Variants in SUZ12 observed in about 807,000 individuals in gnomAD.
SUZ12 encodes polycomb protein SUZ12.
Under a neutral mutation model 87.3 loss-of-function variants are expected in SUZ12, and 17 were observed. That is an observed-to-expected ratio of 0.19 (90% CI 0.13 to 0.29). The LOEUF (loss-of-function observed/expected upper bound fraction) is 0.29, where lower values mean the gene tolerates loss of function less well. SUZ12 is among the 10% of genes least tolerant of loss of function. The pLI, the probability that SUZ12 is intolerant of heterozygous loss-of-function variation, is 1.00. For synonymous variants in SUZ12, 253 were observed against 312.4 expected (o/e 0.81, Z 2.01); for missense variants, 526 against 912.2 (o/e 0.58, Z 5.45).
intron 8 of SUZ12, among the ~76,000 whole-genome samples, chr17:31,979,942 A>G (rs1908998580): frequency 1.3e-5 from 2 of 152,090 alleles, no homozygotes; most frequent in African/African-American, 2.4e-5. Flanking sequence ...ATTTTTATAT[A>G]AAGAAGAGCA....
intron 1 of SUZ12, among the ~76,000 whole-genome samples, chr17:31,938,479 C>A (rs1047507713): frequency 3.3e-5 from 5 of 152,178 alleles, no homozygotes; most frequent in African/African-American, 1.2e-4. Flanking sequence ...AGACGTATTA[C>A]GTTGTTTAAT....
chr17:31,963,560 C>G (rs1378322996), intron 4 of SUZ12, among the ~76,000 whole-genome samples: 2 of 151,892 alleles, frequency 1.3e-5, no homozygotes, highest in African/African-American at 4.8e-5. Context: ...TGCAGTGGTG[C>G]GATCTTGGTC....
intron 8 of SUZ12, among the ~76,000 whole-genome samples, chr17:31,979,389 A>G (rs59582206): frequency 0.049 from 7,449 of 152,196 alleles, 582 homozygotes; most frequent in African/African-American, 0.17. Context: ...ATACAATACT[A>G]TCTCCCCAGT....
intron 3 of SUZ12, among the ~76,000 whole-genome samples, chr17:31,941,383 A>C (rs1019961730): frequency 4.0e-4 from 61 of 151,874 alleles, no homozygotes; most frequent in African/African-American, 1.5e-3. Flanking sequence ...CAGCTTCCCA[A>C]GTAGCTGGGG....
intron 10 of SUZ12, among the ~76,000 whole-genome samples, chr17:31,988,770 T>C (rs1413346316): frequency 6.6e-6 from 1 of 151,502 alleles, no homozygotes; most frequent in East Asian, 2.0e-4. Context: ...TTTTTTGTAG[T>C]TTTAGTAGAG....
At chr17:31,942,357 CAG>C (rs1392628969) in intron 3 of SUZ12, among the ~76,000 whole-genome samples, 1 of 148,850 alleles carries the variant, frequency 6.7e-6, no homozygotes, top group East Asian at 2.0e-4. Flanking sequence ...TTTTTTGAGA[CAG>C]AGTTTCACTC....
chr17:31,966,050 T>A, intron 4 of SUZ12, 97 bp from the exon 5 acceptor site: 3 of 1,088,058 alleles, frequency 2.8e-6, no homozygotes, highest in Non-Finnish European at 2.6e-6. Flanking sequence ...TATAAATTGG[T>A]TGAAGTAACT....
In SUZ12 at chr17:31,955,306, G is replaced by C. The variant is rs117777798; in HGVS notation, c.455+7621G>C. On this transcript the variant is annotated intron_variant, in intron 4 of 15. Transcript: ENST00000322652. ...TAAAAAAAGGTTTTTTTAGGAGACAGGGTCTCACTTCATCAGCCAGGCTGG... is the reference window on the plus strand; with the variant it reads ...TAAAAAAAGGTTTTTTTAGGAGACACGGTCTCACTTCATCAGCCAGGCTGG... Among the ~76,000 whole-genome samples the C allele has an allele frequency of 1.5e-4, 23 of 152,148 alleles. No individual in the cohort carries two copies. In the East Asian group the frequency reaches 3.9e-3, roughly 26 times the overall value.
chr17:31,944,945 A>G (rs924762883), intron 3 of SUZ12, among the ~76,000 whole-genome samples: 6 of 151,692 alleles, frequency 4.0e-5, no homozygotes, highest in Non-Finnish European at 5.9e-5. Flanking sequence ...GCTCATGACT[A>G]TAGTCCCAAA....
chr17:31,940,216 A>G (rs919587319), intron 1 of SUZ12, 70 bp from the exon 2 acceptor site: 8 of 1,562,884 alleles, frequency 5.1e-6, no homozygotes, highest in Middle Eastern at 2.0e-4. Flanking sequence ...TGATTATAAC[A>G]TGGTCTCGGT....
At chr17:31,940,128 T>C (rs1906185147) in intron 1 of SUZ12, among the ~76,000 whole-genome samples, 158 bp from the exon 2 acceptor site, 1 of 152,034 alleles carries the variant, frequency 6.6e-6, no homozygotes, top group African/African-American at 2.4e-5. Flanking sequence ...TTGATCTTAC[T>C]GTGCATACTT....
At chr17:31,966,331 A>G (rs1908085291) in intron 5 of SUZ12, 135 bp downstream of exon 5, 3 of 802,852 alleles carry the variant, frequency 3.7e-6, no homozygotes, top group East Asian at 2.8e-5. Flanking sequence ...ATGTTTTTGA[A>G]CTTTAAGGTA....
chr17:31,995,840 T>G (rs928245794), intron 14 of SUZ12, 78 bp downstream of exon 14: 1 of 1,074,856 alleles, frequency 9.3e-7, no homozygotes, highest in African/African-American at 1.6e-5. Context: ...GAACTAGACT[T>G]TTATTGTAAA....
intron 5 of SUZ12, chr17:31,967,192 C>G (rs1267661867): frequency 2.7e-5 from 4 of 148,834 alleles, no homozygotes; most frequent in Non-Finnish European, 4.4e-5. Flanking sequence ...GAGCGAGACT[C>G]CATCTCAAAA....
chr17:31,979,031 A>G (rs572233058), intron 8 of SUZ12, among the ~76,000 whole-genome samples: 118 of 143,640 alleles, frequency 8.2e-4, no homozygotes, highest in African/African-American at 2.9e-3. Context: ...GCTTGAACCC[A>G]GGAGGCGGAG....
chr17:31,953,060 C>G (rs1238380949), intron 4 of SUZ12, among the ~76,000 whole-genome samples: 2 of 152,142 alleles, frequency 1.3e-5, no homozygotes, highest in Non-Finnish European at 2.9e-5. Flanking sequence ...GAAAAATCCC[C>G]TCAAAGGATA....
At chr17:31,993,181 G>A in intron 10 of SUZ12, 61 bp from the exon 11 acceptor site, 3 of 1,006,256 alleles carry the variant, frequency 3.0e-6, no homozygotes, top group Middle Eastern at 2.2e-4. Context: ...TTTTTGTGAG[G>A]TATGTTATTT....
chr17:31,951,914 A>G (rs1419538500), intron 4 of SUZ12, among the ~76,000 whole-genome samples: 1 of 150,750 alleles, frequency 6.6e-6, no homozygotes, highest in African/African-American at 2.4e-5. Context: ...AGCTGGGATT[A>G]TATGCATGCC....
In SUZ12 at chr17:31,999,142, T is replaced by C; in HGVS notation, c.*139T>C. On this transcript the variant is annotated 3_prime_UTR_variant, in exon 16 of 16. Coordinates refer to ENST00000322652, the MANE Select transcript of SUZ12 (RefSeq NM_015355.4). ...GAAGTAAATGATTTCAACAAGGATA[T>C]TTGTATCAGGGTTCTACTTCACTTC... 1.5e-6 allele frequency: 1 copy of C among 672,434 alleles called. No individual in the cohort carries two copies. The highest frequency in any genetic ancestry group is 2.7e-5 in the South Asian group (1 of 36,478). The allele number at this position is 672,434 out of a possible 1,614,324, so 41.7% of individuals were successfully genotyped here. A position where few individuals can be genotyped will look rare whatever the true frequency, so the allele number is the denominator to read the frequency against.
Sources: allele counts gnomAD v4.1 joint callset (sites outside exome capture counted in the v4.1 genomes callset), GRCh38; gene constraint gnomAD v4.1.1; transcripts MANE v1.5; gene names NCBI Gene and HGNC (gene_info 2026-07-23, HGNC 2026-07-21).